Variants in ZFYVE28 observed in about 807,000 individuals in gnomAD.
The protein encoded by ZFYVE28 is zinc finger FYVE-type containing 28.
A neutral mutation model predicts 82.1 loss-of-function variants in ZFYVE28; 40 were observed. The ratio of observed to expected loss-of-function variants is 0.49; its 90% confidence interval spans 0.38 to 0.63. The LOEUF (loss-of-function observed/expected upper bound fraction) is 0.63, where lower values mean the gene tolerates loss of function less well. Among genes scored for constraint, ZFYVE28 ranks in the 30% least tolerant of loss-of-function variants. The probability of loss-of-function intolerance (pLI) is 0.00; values close to 1 mark genes in which losing one functional copy is unlikely to be tolerated. For synonymous variants in ZFYVE28, 612 were observed against 546.1 expected (o/e 1.12, Z -1.68); for missense variants, 1,321 against 1,242.1 (o/e 1.06, Z -0.96).
At chr4:2,352,636 TC>T (rs1724651669) in intron 2 of ZFYVE28, among the ~76,000 whole-genome samples, 1 of 151,880 alleles carries the variant, frequency 6.6e-6, no homozygotes, top group Admixed American at 6.6e-5. Context: ...GCTGGGAGCA[TC>T]CCCCTCCAGA....
chr4:2,313,027 C>G (rs1031958050), intron 7 of ZFYVE28, among the ~76,000 whole-genome samples: 8 of 151,894 alleles, frequency 5.3e-5, no homozygotes, highest in East Asian at 1.9e-4. Flanking sequence ...GCCTGGGTGA[C>G]AGAGTAAGAC....
intron 8 of ZFYVE28, among the ~76,000 whole-genome samples, chr4:2,298,951 C>T (rs1715072651): frequency 6.6e-6 from 1 of 152,204 alleles, no homozygotes; most frequent in Non-Finnish European, 1.5e-5. Context: ...CATTCCCCGG[C>T]CCCACCACAG....
chr4:2,364,737 G>T (rs1726636658), intron 1 of ZFYVE28: 2 of 985,398 alleles, frequency 2.0e-6, no homozygotes, highest in Non-Finnish European at 2.4e-6. Flanking sequence ...CGCAGGTGAT[G>T]AGCATAACGT....
chr4:2,274,016 C>A, intron 9 of ZFYVE28, 46 bp downstream of exon 9: 1 of 1,602,580 alleles, frequency 6.2e-7, no homozygotes, highest in Non-Finnish European at 8.5e-7. Flanking sequence ...AAGCGCAGCC[C>A]GTGTGTCCTC....
At chr4:2,348,873 G>C (rs1489594833) in intron 2 of ZFYVE28, among the ~76,000 whole-genome samples, 1 of 152,046 alleles carries the variant, frequency 6.6e-6, no homozygotes, top group Non-Finnish European at 1.5e-5. Flanking sequence ...CTGGTTCTCT[G>C]ATCCTCTTTC....
In ZFYVE28 at chr4:2,304,310, G is replaced by A. The variant is rs200170450; in HGVS notation, c.2030C>T (p.Pro677Leu). The A allele has an allele frequency of 5.6e-5, 90 of 1,593,170 alleles. 1 individual carries two copies. In the Middle Eastern group the frequency reaches 1.2e-3, roughly 21 times the overall value. The change falls in exon 8 of 13, where the codon CCT becomes CTT. Residue 677 changes from proline (P) to leucine (L), a missense_variant. Transcript: ENST00000290974. ...TTACCTGGAGCCCGACAGGGCCTGAGGCGCCTCGTGAGCCGAGGGGCTCCC... is the reference window on the plus strand; with the variant it reads ...TTACCTGGAGCCCGACAGGGCCTGAAGCGCCTCGTGAGCCGAGGGGCTCCC... Reference protein sequence around the residue: ...HAGSPSAHEAPQALSGSSSST... With the variant: ...HAGSPSAHEALQALSGSSSST...
chr4:2,387,781 G>A (rs1170766476), intron 1 of ZFYVE28, among the ~76,000 whole-genome samples: 4 of 152,238 alleles, frequency 2.6e-5, no homozygotes, highest in African/African-American at 9.6e-5. Flanking sequence ...ATGACGGGCT[G>A]TGGCATCAGG....
intron 6 of ZFYVE28, chr4:2,330,980 G>A (rs1262137500): frequency 6.5e-7 from 1 of 1,535,126 alleles, no homozygotes; most frequent in South Asian, 1.2e-5. Flanking sequence ...AGAGGATCCG[G>A]CAACCATCCT....
chr4:2,348,100 C>T (rs547296855), intron 2 of ZFYVE28, among the ~76,000 whole-genome samples: 3 of 152,170 alleles, frequency 2.0e-5, no homozygotes, highest in Admixed American at 1.3e-4. Context: ...ACAGAAGATA[C>T]AACTTAATAA....
chr4:2,271,057 C>G, intron 12 of ZFYVE28: 1 of 798,802 alleles, frequency 1.3e-6, no homozygotes, highest in East Asian at 2.7e-5. Context: ...CTGCTGCAGG[C>G]TCCTGTTCAC....
Position 2,305,266 on chromosome 4 carries a change from A to C in ZFYVE28, c.1074T>G (p.Ser358=). The C allele has an allele frequency of 6.2e-7, 1 of 1,612,962 alleles. No individual in the cohort carries two copies. The highest frequency in any genetic ancestry group is 8.5e-7 in the Non-Finnish European group (1 of 1,179,924). Residue 358 remains serine (S), a synonymous_variant, in exon 8 of 13, where the codon TCT becomes TCG. Transcript: ENST00000290974. The part of the protein sequence containing the change: ...MVHRAGDEMS[S]LLSPPIACQS... Reference sequence around the variant, plus strand: ...GGCAGGCAATGGGCGGTGAAAGCAAAGAGGACATCTCGTCCCCCGCCCTGT... The same window carrying C: ...GGCAGGCAATGGGCGGTGAAAGCAACGAGGACATCTCGTCCCCCGCCCTGT...
At chr4:2,397,443 A>C (rs1730595681) in intron 1 of ZFYVE28, among the ~76,000 whole-genome samples, 1 of 142,590 alleles carries the variant, frequency 7.0e-6, no homozygotes, top group Non-Finnish European at 1.5e-5. Flanking sequence ...GCACCACTGC[A>C]CTCCAGCCTG....
intron 8 of ZFYVE28, among the ~76,000 whole-genome samples, chr4:2,303,344 C>T (rs1163476654): frequency 6.6e-6 from 1 of 152,180 alleles, no homozygotes; most frequent in East Asian, 1.9e-4. Flanking sequence ...TGCCTGCCAT[C>T]CTTCAACGCA....
intron 2 of ZFYVE28, chr4:2,343,269 A>G (rs1369029928): frequency 1.3e-5 from 2 of 152,180 alleles, no homozygotes; most frequent in Non-Finnish European, 2.9e-5. Context: ...GATACTGCCA[A>G]ATGGCTTTCC....
At chr4:2,292,907 A>C (rs189196914) in intron 8 of ZFYVE28, among the ~76,000 whole-genome samples, 64 of 152,330 alleles carry the variant, frequency 4.2e-4, no homozygotes, top group African/African-American at 1.5e-3. Context: ...TCAGCAAATC[A>C]AAGCCAACAG....
At chr4:2,361,936 C>T (rs1423418290) in intron 1 of ZFYVE28, among the ~76,000 whole-genome samples, 2 of 152,134 alleles carry the variant, frequency 1.3e-5, no homozygotes, top group African/African-American at 4.8e-5. Context: ...GGAGGACAGG[C>T]AGCACAGCCA....
At chr4:2,358,670 T>C (rs947306586) in intron 1 of ZFYVE28, among the ~76,000 whole-genome samples, 13 of 152,032 alleles carry the variant, frequency 8.6e-5, no homozygotes. Context: ...CCTGGTGGGG[T>C]TGGATGAGGC....
At chr4:2,371,187 G>A (rs536205258) in intron 1 of ZFYVE28, among the ~76,000 whole-genome samples, 9 of 152,338 alleles carry the variant, frequency 5.9e-5, no homozygotes, top group African/African-American at 2.2e-4. Context: ...GGTGACCACA[G>A]GAAAGGGCAA....
At chr4:2,290,561 A>G (rs902839579) in intron 8 of ZFYVE28, among the ~76,000 whole-genome samples, 2 of 152,186 alleles carry the variant, frequency 1.3e-5, no homozygotes, top group East Asian at 1.9e-4. Flanking sequence ...GCCGGGGGCC[A>G]TGGGGGCAGG....
Sources: gnomAD v4.1 joint callset for allele counts (sites outside exome capture counted in the v4.1 genomes callset) on GRCh38, gnomAD v4.1.1 for gene constraint, MANE v1.5 for transcripts, NCBI Gene and HGNC (gene_info 2026-07-23, HGNC 2026-07-21) for gene names.